The following AQP7 variants were observed in gnomAD, a reference collection of about 807,000 sequenced individuals.
AQP7 encodes aquaporin-7.
AQP7 carries 22 observed loss-of-function variants against 26.1 expected under a neutral mutation model. That is an observed-to-expected ratio of 0.84 (90% CI 0.60 to 1.20). The LOEUF is 1.20. AQP7 is among the 50% of genes most tolerant of loss of function. The probability of loss-of-function intolerance (pLI) is 0.00; values close to 1 mark genes in which losing one functional copy is unlikely to be tolerated. For missense variants in AQP7, 412 were observed against 457.5 expected (o/e 0.90, Z 0.91); for synonymous variants, 167 against 181.7 (o/e 0.92, Z 0.65).
intron 4 of AQP7, 118 bp from the exon 5 acceptor site, chr9:33,386,659 C>T: frequency 2.9e-6 from 4 of 1,369,832 alleles, no homozygotes; most frequent in Non-Finnish European, 4.0e-6. Context: ...AGAGCTCTCT[C>T]CTTGAGCCCT....
At position 33,385,113 on chromosome 9, in the gene AQP7, A is replaced by G. The variant is rs977722895; in HGVS notation, c.921T>C (p.His307=). ...GGGTGAGGGGAGAGATCGTGGGTTC[A>G]TGAGATCCCATCTTGGGCAATACGG... ...GITVLPKMGS[H]EPTISPLTPV... Residue 307 remains histidine (H), a synonymous_variant, in exon 8 of 8, where the codon CAT becomes CAC. Transcript: ENST00000297988. 23 of 1,611,828 alleles carry G rather than the reference A, an allele frequency of 1.4e-5. No homozygotes were observed. Among genetic ancestry groups the G allele is most frequent in the Non-Finnish European group, 1.7e-5 (20 of 1,179,838 alleles).
chr9:33,388,123 G>A (rs967085777), intron 3 of AQP7, among the ~76,000 whole-genome samples: 3 of 152,120 alleles, frequency 2.0e-5, no homozygotes, highest in East Asian at 1.9e-4. Context: ...TGCCTGATGC[G>A]CTAAAATTCC....
At position 33,390,094 on chromosome 9, in the gene AQP7, G is replaced by A. The variant is rs1456579979; in HGVS notation, c.145-3002C>T. On this transcript the variant is annotated intron_variant, in intron 3 of 7. Coordinates refer to ENST00000297988, the MANE Select transcript of AQP7 (RefSeq NM_001170.3). Reference sequence around the variant, plus strand: ...AAGACACCAGTGTAGACTCCTCTTCGAGAACTCGCCTGAGGAGCGGGGGAG... The same window carrying A: ...AAGACACCAGTGTAGACTCCTCTTCAAGAACTCGCCTGAGGAGCGGGGGAG... Among the ~76,000 whole-genome samples, 8 of 151,528 alleles carry A rather than the reference G, an allele frequency of 5.3e-5. No homozygotes were observed. The South Asian group carries it at 6.3e-4, about 12-fold the overall frequency.
At chr9:33,387,958 C>A (rs1825022609) in intron 3 of AQP7, among the ~76,000 whole-genome samples, 1 of 152,186 alleles carries the variant, frequency 6.6e-6, no homozygotes, top group Non-Finnish European at 1.5e-5. Context: ...ACACGCTGGC[C>A]AGCTGCTTCA....
chr9:33,389,282 GC>G (rs2118799468), intron 3 of AQP7, among the ~76,000 whole-genome samples: 1 of 152,214 alleles, frequency 6.6e-6, no homozygotes, highest in Admixed American at 6.5e-5. Flanking sequence ...GCCTGCCTTG[GC>G]CTCCCAAAGT....
At chr9:33,401,699 GCACA>G in intron 1 of AQP7, 5 of 223,246 alleles carry the variant, frequency 2.2e-5, no homozygotes, top group Admixed American at 4.9e-5. Context: ...ATGCACGCAT[GCACA>G]CACACACACA....
intron 3 of AQP7, among the ~76,000 whole-genome samples, chr9:33,388,903 C>T (rs981332621): frequency 2.6e-5 from 4 of 152,208 alleles, no homozygotes; most frequent in Non-Finnish European, 5.9e-5. Context: ...ATCACCCAGG[C>T]TGGAGTGCAG....
chr9:33,392,949 C>T (rs540773776), intron 3 of AQP7, among the ~76,000 whole-genome samples: 16 of 152,252 alleles, frequency 1.1e-4, no homozygotes, highest in African/African-American at 2.4e-4. Context: ...AGTTGTGGGC[C>T]GGGCGAGGTG....
rs567785334 is a variant in AQP7 at position 33,402,053 on chromosome 9, C to G, written c.-26+320G>C. Reference sequence around the variant, plus strand: ...TCCACTGCCGGTGGTCTTCAGCTCTCTCCTCGTCCCACCCCCATGGTCTGC... The same window carrying G: ...TCCACTGCCGGTGGTCTTCAGCTCTGTCCTCGTCCCACCCCCATGGTCTGC... On this transcript the variant is annotated intron_variant, in intron 1 of 7. Coordinates refer to ENST00000297988, the MANE Select transcript of AQP7 (RefSeq NM_001170.3). Among the ~76,000 whole-genome samples the G allele has an allele frequency of 8.0e-3, 1,221 of 152,216 alleles. 8 individuals carry two copies. The highest frequency in any genetic ancestry group is 0.013 in the Admixed American group (196 of 15,286).
chr9:33,394,445 TCA>T (rs946967666), intron 3 of AQP7, among the ~76,000 whole-genome samples: 9 of 151,020 alleles, frequency 6.0e-5, no homozygotes, highest in African/African-American at 2.2e-4. Context: ...GGATTCATTA[TCA>T]GAGCCCGATC....
intron 3 of AQP7, among the ~76,000 whole-genome samples, chr9:33,388,280 CG>C (rs1825059357): frequency 6.6e-6 from 1 of 152,164 alleles, no homozygotes; most frequent in African/African-American, 2.4e-5. Context: ...CCCCGTTGGC[CG>C]AGCCAGAAAC....
rs1396450420 is a variant in AQP7, at chr9:33,386,153, C to T, written c.449G>A (p.Gly150Asp). ...HFSGGQLMVT[G>D]PVATAGIFAT... ...AAAAATGCCAGCTGTAGCGACGGGA[C>T]CGGTCACCATCAGCTGTCCACCCGA... The change falls in exon 6 of 8, where the codon GGT (glycine) becomes GAT (aspartate). Residue 150 changes from glycine to aspartate, a missense_variant. Transcript: ENST00000297988. 1 of 1,613,882 alleles carries T rather than the reference C, an allele frequency of 6.2e-7. No homozygotes were observed. Among genetic ancestry groups the T allele is most frequent in the Non-Finnish European group, 8.5e-7 (1 of 1,179,880 alleles).
intron 4 of AQP7, 88 bp from the exon 5 acceptor site, chr9:33,386,629 A>T (rs1445630370): frequency 6.8e-7 from 1 of 1,472,972 alleles, no homozygotes; most frequent in Non-Finnish European, 9.2e-7. Flanking sequence ...GCTAGTGTGT[A>T]TGACAGCATG....
At chr9:33,397,780 G>A (rs1418331877) in intron 2 of AQP7, among the ~76,000 whole-genome samples, 3 of 152,176 alleles carry the variant, frequency 2.0e-5, no homozygotes, top group African/African-American at 7.2e-5. Context: ...AACCACAGAA[G>A]AGGAGAGAGA....
At chr9:33,395,475 T>C in intron 2 of AQP7, 2 of 421,456 alleles carry the variant, frequency 4.7e-6, no homozygotes, top group Non-Finnish European at 8.7e-6. Flanking sequence ...GATGGGCGGG[T>C]GGGGAGCTGA....
chr9:33,390,849 C>T (rs1352132839), intron 3 of AQP7, among the ~76,000 whole-genome samples: 2 of 152,278 alleles, frequency 1.3e-5, no homozygotes, highest in East Asian at 1.9e-4. Flanking sequence ...CGGTGGCTCA[C>T]GCCTGTAATC....
chr9:33,386,110 A>G lies in AQP7; in HGVS notation c.492T>C (p.Asp164=), dbSNP rs1480399838. Residue 164 remains aspartate, a synonymous_variant, in exon 6 of 8, where the codon GAT becomes GAC. Transcript: ENST00000297988. ...TAGIFATYLP[D]HMTLWRGFLN... is the part of the protein sequence containing the mutation. ...GGAAGCCCCGCCACAATGTCATGTGATCAGGAAGGTAGGTGGCAAAAATGC... is the reference window on the plus strand; with the variant it reads ...GGAAGCCCCGCCACAATGTCATGTGGTCAGGAAGGTAGGTGGCAAAAATGC... 6.2e-7 allele frequency: 1 copy of G among 1,613,736 alleles called. No homozygotes were observed. Among genetic ancestry groups the G allele is most frequent in the African/African-American group, 1.3e-5 (1 of 74,906 alleles).
At chr9:33,386,028 C>G (rs1824740975) in intron 6 of AQP7, 49 bp downstream of exon 6, 1 of 1,609,898 alleles carries the variant, frequency 6.2e-7, no homozygotes, top group African/African-American at 1.3e-5. Flanking sequence ...CTGGCTCCGT[C>G]CTGAGGGGTG....
chr9:33,400,773 C>G (rs1826207743), intron 2 of AQP7, among the ~76,000 whole-genome samples: 1 of 151,614 alleles, frequency 6.6e-6, no homozygotes, highest in Non-Finnish European at 1.5e-5. Flanking sequence ...CCATTGCACT[C>G]CAGCCTGGGC....
Sources: gnomAD v4.1 joint callset for allele counts (sites outside exome capture counted in the v4.1 genomes callset) on GRCh38, gnomAD v4.1.1 for gene constraint, MANE v1.5 for transcripts, NCBI Gene and HGNC (gene_info 2026-07-23, HGNC 2026-07-21) for gene names.